Variants in TMEM9 observed in about 807,000 individuals in gnomAD.
TMEM9 encodes proton-transporting V-type ATPase complex assembly regulator TMEM9.
In TMEM9, 13 loss-of-function variants were observed where a neutral mutation model predicts 22.8. The ratio of observed to expected loss-of-function variants is 0.57; its 90% CI spans 0.37 to 0.91. The LOEUF is 0.91. Among genes scored for constraint, TMEM9 ranks in the 40% least tolerant of loss-of-function variants. The pLI is 0.01. For synonymous variants in TMEM9, 88 were observed against 93.0 expected, an observed-to-expected ratio of 0.95 and a Z score of 0.31; for missense variants, 182 against 238.1, an observed-to-expected ratio of 0.76 and a Z score of 1.55.
intron 3 of TMEM9, chr1:201,144,615 T>G (rs1353334112): frequency 1.3e-5 from 2 of 151,858 alleles, no homozygotes; most frequent in Admixed American, 1.3e-4. Context: ...AGTCATTTTG[T>G]TTTTACAGAA....
intron 3 of TMEM9, among the ~76,000 whole-genome samples, chr1:201,145,823 G>A (rs1664910968): frequency 6.6e-6 from 1 of 152,184 alleles, no homozygotes. Context: ...TTAGCTGGGT[G>A]TGGTGATGTG....
At chr1:201,167,441 G>A (rs150712528) in intron 1 of TMEM9, among the ~76,000 whole-genome samples, 20 of 152,308 alleles carry the variant, frequency 1.3e-4, no homozygotes, top group African/African-American at 3.8e-4. Flanking sequence ...GGCGGCTGGC[G>A]AGTCCAGGTG....
intron 4 of TMEM9, among the ~76,000 whole-genome samples, chr1:201,141,778 A>G (rs1664547549): frequency 6.6e-6 from 1 of 152,068 alleles, no homozygotes; most frequent in African/African-American, 2.4e-5. Context: ...CAGGCTTCAA[A>G]TGAGGAGCAC....
At chr1:201,170,477 C>A (rs951650669) in intron 1 of TMEM9, among the ~76,000 whole-genome samples, 7 of 152,134 alleles carry the variant, frequency 4.6e-5, no homozygotes, top group Non-Finnish European at 2.9e-5. Flanking sequence ...ATGCACTCAT[C>A]TGGATGCTCA....
intron 1 of TMEM9, among the ~76,000 whole-genome samples, chr1:201,162,346 A>T (rs1468440429): frequency 6.6e-6 from 1 of 151,944 alleles, no homozygotes; most frequent in Non-Finnish European, 1.5e-5. Flanking sequence ...TATATTGCCC[A>T]GGTTGATCTT....
At chr1:201,136,838 T>C (rs1335469960) in intron 4 of TMEM9, among the ~76,000 whole-genome samples, 1 of 152,212 alleles carries the variant, frequency 6.6e-6, no homozygotes, top group African/African-American at 2.4e-5. Flanking sequence ...CTTAAGGGAT[T>C]AGTGCACTTC....
chr1:201,156,553 A>C (rs910756557), upstream of TMEM9, among the ~76,000 whole-genome samples: 2 of 151,862 alleles, frequency 1.3e-5, no homozygotes, highest in Admixed American at 1.3e-4. Context: ...GGCTGTCCCT[A>C]TATCTGACTT....
chr1:201,136,050 C>T (rs1663958395), intron 4 of TMEM9, among the ~76,000 whole-genome samples: 1 of 152,158 alleles, frequency 6.6e-6, no homozygotes, highest in Admixed American at 6.5e-5. Context: ...GGATGGGGCC[C>T]CTGCCCCTCC....
intron 3 of TMEM9, 175 bp downstream of exon 3, chr1:201,146,565 G>C (rs1230040029): frequency 1.3e-5 from 9 of 712,252 alleles, no homozygotes; most frequent in Non-Finnish European, 2.0e-5. Context: ...AAGGGAGCTG[G>C]CTCCAGGAAG....
Position 201,146,840 on chromosome 1 carries a change from A to G in TMEM9, c.167T>C (p.Leu56Pro). Reference protein sequence around the residue: ...QNVSQKDCNCLHVVEPMPVPG... With the variant: ...QNVSQKDCNCPHVVEPMPVPG... ...CACTGGCATGGGCTCCACCACGTGC[A>G]GGCAGTTGCTACAACAGAGAGAGAC... The change falls in exon 3 of 5, where the codon CTG becomes CCG. Residue 56 changes from leucine to proline, a missense_variant. Physicochemically the swap from Leu to Pro is moderately conservative, Grantham distance 98 (BLOSUM62 -3). Coordinates refer to ENST00000367330, the MANE Select transcript of TMEM9 (RefSeq NM_001288565.2). 1.9e-6 allele frequency: 3 copies of G among 1,614,160 alleles called. No individual in the cohort carries two copies. Among genetic ancestry groups the G allele is most frequent in the Non-Finnish European group, 1.7e-6 (2 of 1,179,996 alleles).
At position 201,151,783 on chromosome 1, in the gene TMEM9, G is replaced by C. The variant is rs1371036934; in HGVS notation, c.136C>G (p.Gln46Glu). ...YRNISGHIYN[Q>E]NVSQKDCNCL... ...TACCAGTCCTTCTGGGATACATTCT[G>C]GTTGTAAATGTGCCCACTGATGTTT... The change falls in exon 2 of 5, where the codon CAG (glutamine) becomes GAG (glutamate). Residue 46 changes from glutamine (Q) to glutamate (E), a missense_variant. By Grantham distance (29) the Gln-to-Glu change is conservative (BLOSUM62 2). Coordinates refer to ENST00000367330, the MANE Select transcript of TMEM9 (RefSeq NM_001288565.2). 6.2e-7 allele frequency: 1 copy of C among 1,613,906 alleles called. No homozygotes were observed. The highest frequency in any genetic ancestry group is 8.5e-7 in the Non-Finnish European group (1 of 1,179,882).
chr1:201,138,237 C>T (rs1307958521), intron 4 of TMEM9, among the ~76,000 whole-genome samples: 1 of 152,174 alleles, frequency 6.6e-6, no homozygotes, highest in East Asian at 1.9e-4. Context: ...AGGGAGAGCC[C>T]AGAGCACAGC....
chr1:201,148,028 T>C (rs1301149450), intron 2 of TMEM9, among the ~76,000 whole-genome samples: 2 of 152,220 alleles, frequency 1.3e-5, no homozygotes, highest in Non-Finnish European at 2.9e-5. Flanking sequence ...CAGGGTTATG[T>C]CTTATACATC....
chr1:201,138,078 T>G (rs1664159480), intron 4 of TMEM9, among the ~76,000 whole-genome samples: 1 of 151,998 alleles, frequency 6.6e-6, no homozygotes. Flanking sequence ...CCATTCCCAA[T>G]CTCATCCTTT....
chr1:201,159,440 C>T (rs1218675011), upstream of TMEM9, among the ~76,000 whole-genome samples: 2 of 151,898 alleles, frequency 1.3e-5, no homozygotes, highest in Non-Finnish European at 2.9e-5. Context: ...AGGCCCTGGA[C>T]AAGCACGCTG....
At chr1:201,141,207 C>T (rs887065827) in intron 4 of TMEM9, among the ~76,000 whole-genome samples, 26 of 152,216 alleles carry the variant, frequency 1.7e-4, no homozygotes, top group African/African-American at 6.3e-4. Flanking sequence ...ACCCGTCTTA[C>T]GAAGCCAGAT....
chr1:201,166,813 C>T (rs1666089911), intron 1 of TMEM9, among the ~76,000 whole-genome samples: 1 of 152,156 alleles, frequency 6.6e-6, no homozygotes, highest in South Asian at 2.1e-4. Flanking sequence ...TGTACAGCTG[C>T]ATGAATTTTT....
rs536383349 is a variant in TMEM9, at chr1:201,150,195, C to T, written c.158+1566G>A. Reference sequence around the variant, plus strand: ...TTATCTGGTGAAGGGCTAAGACAGCCCATCTAAGTTTTTACTGATGCTATT... The same window carrying T: ...TTATCTGGTGAAGGGCTAAGACAGCTCATCTAAGTTTTTACTGATGCTATT... On this transcript the variant is annotated intron_variant, in intron 2 of 4. Transcript: ENST00000367330. 9.8e-4 allele frequency among the ~76,000 whole-genome samples: 149 copies of T among 152,216 alleles called. 1 individual carries two copies. Among genetic ancestry groups the T allele is most frequent in the African/African-American group, 3.5e-3 (145 of 41,532 alleles).
At chr1:201,154,688 G>A (rs1422061584), upstream of TMEM9, among the ~76,000 whole-genome samples, 1 of 152,164 alleles carries the variant, frequency 6.6e-6, no homozygotes, top group African/African-American at 2.4e-5. Flanking sequence ...TGTGGCCTGA[G>A]AACTCCCACT....
Sources: allele counts gnomAD v4.1 joint callset (sites outside exome capture counted in the v4.1 genomes callset), GRCh38; gene constraint gnomAD v4.1.1; transcripts MANE v1.5; gene names NCBI Gene and HGNC (gene_info 2026-07-23, HGNC 2026-07-21).